APBA2: variants seen among roughly 807,000 people sequenced by gnomAD.
The protein encoded by APBA2 is amyloid-beta A4 precursor protein-binding family A member 2.
Under a neutral mutation model 75.0 loss-of-function variants are expected in APBA2, and 30 were observed. The ratio of observed to expected loss-of-function variants is 0.40; its 90% CI spans 0.30 to 0.54. The LOEUF (loss-of-function observed/expected upper bound fraction) is 0.54. Ranked by LOEUF, APBA2 falls within the 20% of genes least tolerant of loss-of-function variation. The pLI is 0.49. For synonymous variants in APBA2, 444 were observed against 409.6 expected, an observed-to-expected ratio of 1.08 and a Z score of -1.01; for missense variants, 801 against 1,016.1, an observed-to-expected ratio of 0.79 and a Z score of 2.88.
At chr15:29,000,383 A>G (rs1038552847) in intron 3 of APBA2, among the ~76,000 whole-genome samples, 2 of 152,180 alleles carry the variant, frequency 1.3e-5, no homozygotes, top group African/African-American at 4.8e-5. Flanking sequence ...ATTGTTTTCT[A>G]TACTTCTATG....
intron 1 of APBA2, among the ~76,000 whole-genome samples, chr15:28,919,028 T>G (rs1239613182): frequency 1.3e-5 from 2 of 151,918 alleles, no homozygotes; most frequent in Non-Finnish European, 2.9e-5. Context: ...CCCGGCTAAT[T>G]TTTTGCGTTT....
chr15:29,101,464 T>C, intron 9 of APBA2, 135 bp from the exon 10 acceptor site: 3 of 871,828 alleles, frequency 3.4e-6, no homozygotes, highest in Non-Finnish European at 5.6e-6. Flanking sequence ...ACTCCTGACC[T>C]CAGGTGATCT....
At chr15:29,033,407 T>C (rs1162442848) in intron 3 of APBA2, among the ~76,000 whole-genome samples, 1 of 152,142 alleles carries the variant, frequency 6.6e-6, no homozygotes, top group Non-Finnish European at 1.5e-5. Flanking sequence ...ATTCAAAACC[T>C]GCTTCCTCAA....
intron 3 of APBA2, among the ~76,000 whole-genome samples, chr15:29,003,361 C>T (rs986195538): frequency 1.3e-5 from 2 of 152,174 alleles, no homozygotes; most frequent in Non-Finnish European, 2.9e-5. Flanking sequence ...CTGGAGATAG[C>T]GCTTCAAAAG....
chr15:28,958,645 G>C (rs1367466111), intron 2 of APBA2, among the ~76,000 whole-genome samples: 1 of 152,134 alleles, frequency 6.6e-6, no homozygotes, highest in Non-Finnish European at 1.5e-5. Context: ...GGGGCAGGGA[G>C]GTAATGAGAA....
chr15:29,086,692 T>A (rs796594599), intron 6 of APBA2, among the ~76,000 whole-genome samples: 8 of 152,334 alleles, frequency 5.3e-5, no homozygotes, highest in African/African-American at 1.9e-4. Flanking sequence ...TTAGAATACA[T>A]CCCACAAGGG....
chr15:29,076,804 TA>T (rs1343672343), intron 6 of APBA2, among the ~76,000 whole-genome samples: 1 of 152,248 alleles, frequency 6.6e-6, no homozygotes, highest in East Asian at 1.9e-4. Context: ...TTAATTCTTA[TA>T]AATATTTATG....
At chr15:28,896,163 G>A (rs1395115390) in intron 1 of APBA2, among the ~76,000 whole-genome samples, 4 of 152,148 alleles carry the variant, frequency 2.6e-5, no homozygotes, top group African/African-American at 9.7e-5. Context: ...GCGGGGGTTG[G>A]GGGTGGAGAG....
chr15:29,007,647 A>T (rs1333848001), intron 3 of APBA2, among the ~76,000 whole-genome samples: 2 of 152,214 alleles, frequency 1.3e-5, no homozygotes, highest in Admixed American at 6.5e-5. Context: ...ACAAATCGTT[A>T]GAGAATTGCA....
rs185444512 is a variant in APBA2 at position 29,072,079 on chromosome 15, C to T, written c.952-2842C>T. Among the ~76,000 whole-genome samples the T allele has an allele frequency of 1.5e-3, 223 of 152,294 alleles. 1 individual carries two copies. Among genetic ancestry groups the T allele is most frequent in the Middle Eastern group, 0.014 (4 of 294 alleles). On this transcript the variant is annotated intron_variant, in intron 4 of 14. Transcript: ENST00000683413. ...TCCCCCAACCCCTGACTTATCTGGCCGCCTGATGAGAGTCTGTCGCCCTAC... is the reference window on the plus strand; with the variant it reads ...TCCCCCAACCCCTGACTTATCTGGCTGCCTGATGAGAGTCTGTCGCCCTAC...
At chr15:29,062,489 C>T (rs1443064494) in intron 4 of APBA2, among the ~76,000 whole-genome samples, 1 of 152,080 alleles carries the variant, frequency 6.6e-6, no homozygotes, top group African/African-American at 2.4e-5. Context: ...AGCTCAGGGC[C>T]CATTTGCTGA....
At chr15:29,095,143 T>C (rs1225734820) in intron 8 of APBA2, among the ~76,000 whole-genome samples, 1 of 151,996 alleles carries the variant, frequency 6.6e-6, no homozygotes, top group Non-Finnish European at 1.5e-5. Flanking sequence ...GGGTTGACAC[T>C]GAGGCCGGGC....
Position 29,094,704 on chromosome 15 carries a change from T to G in APBA2, c.1251+391T>G, listed in dbSNP as rs535429330. Among the ~76,000 whole-genome samples, 5 of 152,332 alleles carry G rather than the reference T, an allele frequency of 3.3e-5. No homozygotes were observed. In the South Asian group the frequency reaches 6.2e-4, roughly 19 times the overall value. On this transcript the variant is annotated intron_variant, in intron 8 of 14. Transcript: ENST00000683413. ...CTGATAGTTAAAGATTCCTTAAGCT[T>G]AATTTACTAAGTCAGGAGGGTGAGT...
chr15:29,035,684 G>A (rs754042344), intron 3 of APBA2, among the ~76,000 whole-genome samples: 1 of 152,150 alleles, frequency 6.6e-6, no homozygotes, highest in South Asian at 2.1e-4. Flanking sequence ...TTCCACGTTC[G>A]AAGCAGGGGT....
chr15:29,012,512 A>G (rs994688551), intron 3 of APBA2, among the ~76,000 whole-genome samples: 1 of 152,094 alleles, frequency 6.6e-6, no homozygotes, highest in African/African-American at 2.4e-5. Context: ...CACCATCTCC[A>G]TGAGGGAACA....
intron 3 of APBA2, among the ~76,000 whole-genome samples, chr15:29,012,733 T>A (rs554328638): frequency 9.7e-4 from 148 of 152,360 alleles, no homozygotes; most frequent in Non-Finnish European, 1.6e-3. Flanking sequence ...CCTCTGTGTT[T>A]CAACTCTACC....
intron 3 of APBA2, among the ~76,000 whole-genome samples, chr15:29,021,864 T>G (rs2039972810): frequency 6.6e-6 from 1 of 152,138 alleles, no homozygotes; most frequent in African/African-American, 2.4e-5. Context: ...GTTGACTTTT[T>G]AAGATTCTGA....
intron 4 of APBA2, among the ~76,000 whole-genome samples, chr15:29,063,437 G>A (rs1466303317): frequency 7.6e-6 from 1 of 132,134 alleles, no homozygotes; most frequent in Admixed American, 7.5e-5. Context: ...GAGGGGAGTT[G>A]ATCTGGTCAG....
At chr15:28,949,030 C>T (rs1481804502) in intron 2 of APBA2, among the ~76,000 whole-genome samples, 1 of 151,850 alleles carries the variant, frequency 6.6e-6, no homozygotes, top group African/African-American at 2.4e-5. Context: ...AGAGGTTTGG[C>T]TTCGCTTTTA....
Sources: gnomAD v4.1 joint callset for allele counts (sites outside exome capture counted in the v4.1 genomes callset) on GRCh38, gnomAD v4.1.1 for gene constraint, MANE v1.5 for transcripts, NCBI Gene and HGNC (gene_info 2026-07-23, HGNC 2026-07-21) for gene names.